GALNT12: variants seen among roughly 807,000 people sequenced by gnomAD.
GALNT12 encodes the protein UDP-GalNAc:polypeptide N-acetylgalactosaminyltransferase 12.
Under a neutral mutation model 55.5 loss-of-function variants are expected in GALNT12, and 45 were observed. That is an observed-to-expected ratio of 0.81 (90% CI 0.64 to 1.04). The LOEUF (loss-of-function observed/expected upper bound fraction) is 1.04. GALNT12 is among the 50% of genes least tolerant of loss of function. GALNT12 has a pLI of 0.00. For missense variants in GALNT12, 709 were observed against 754.8 expected (o/e 0.94, Z 0.71); for synonymous variants, 304 against 312.2 (o/e 0.97, Z 0.28).
At chr9:98,829,563 G>A (rs768412949) in intron 3 of GALNT12, among the ~76,000 whole-genome samples, 3 of 151,504 alleles carry the variant, frequency 2.0e-5, no homozygotes, top group East Asian at 1.9e-4. Flanking sequence ...CAACTGGTAC[G>A]TCTTATTCAT....
chr9:98,811,969 C>T (rs927744954), intron 1 of GALNT12, among the ~76,000 whole-genome samples: 1 of 152,190 alleles, frequency 6.6e-6, no homozygotes, highest in Non-Finnish European at 1.5e-5. Flanking sequence ...AGGCGTGAGC[C>T]ACCATGCCCA....
At chr9:98,830,337 T>A (rs1455790023) in intron 3 of GALNT12, among the ~76,000 whole-genome samples, 1 of 151,926 alleles carries the variant, frequency 6.6e-6, no homozygotes, top group Non-Finnish European at 1.5e-5. Context: ...TTGGTTGTCA[T>A]GTCAACCAGG....
chr9:98,829,194 T>G (rs1405632454), intron 3 of GALNT12, among the ~76,000 whole-genome samples: 1 of 150,542 alleles, frequency 6.6e-6, no homozygotes, highest in Non-Finnish European at 1.5e-5. Flanking sequence ...TCTATCTATC[T>G]ATCTATCTAT....
At chr9:98,825,064 G>A (rs1362238829) in intron 2 of GALNT12, among the ~76,000 whole-genome samples, 6 of 152,126 alleles carry the variant, frequency 3.9e-5, no homozygotes, top group African/African-American at 1.4e-4. Context: ...CTACCTTGTA[G>A]GATCATCGTG....
intron 1 of GALNT12, among the ~76,000 whole-genome samples, chr9:98,819,839 T>G (rs1027907658): frequency 6.6e-6 from 1 of 152,152 alleles, no homozygotes; most frequent in African/African-American, 2.4e-5. Flanking sequence ...ACAAGATCCC[T>G]GGACACAAAG....
At chr9:98,816,580 A>C (rs900857343) in intron 1 of GALNT12, among the ~76,000 whole-genome samples, 32 of 152,014 alleles carry the variant, frequency 2.1e-4, no homozygotes, top group Non-Finnish European at 1.8e-4. Flanking sequence ...TTTTAGCAGC[A>C]TCTTAAGAAA....
At chr9:98,811,881 C>G (rs1476344587) in intron 1 of GALNT12, among the ~76,000 whole-genome samples, 1 of 152,132 alleles carries the variant, frequency 6.6e-6, no homozygotes, top group African/African-American at 2.4e-5. Context: ...CGGGGTTTCA[C>G]TATGTTGGCC....
chr9:98,835,260 T>A lies in GALNT12; in HGVS notation c.929T>A (p.Met310Lys). ...TCATACTTTTTTAGGTCTCCAACAATGGCTGGTGGGCTGTTTGCTGTGAGT... is the reference window on the plus strand; with the variant it reads ...TCATACTTTTTTAGGTCTCCAACAAAGGCTGGTGGGCTGTTTGCTGTGAGT... The part of the protein sequence containing the change: ...SPVDVIRSPT[M>K]AGGLFAVSKK... The change falls in exon 5 of 10, where the codon ATG becomes AAG. Residue 310 changes from methionine (M) to lysine (K), a missense_variant. Around this residue, in one of 5 missense-constraint regions of GALNT12, gnomAD observed 315 missense variants for 288.6 expected, o/e 1.09. Coordinates refer to ENST00000375011, the MANE Select transcript of GALNT12 (RefSeq NM_024642.5). The A allele has an allele frequency of 1.2e-6, 2 of 1,612,512 alleles. No homozygotes were observed. The highest frequency in any genetic ancestry group is 1.7e-6 in the Non-Finnish European group (2 of 1,178,476).
intron 7 of GALNT12, among the ~76,000 whole-genome samples, chr9:98,843,624 C>G (rs2118491008): frequency 6.6e-6 from 1 of 152,316 alleles, no homozygotes; most frequent in East Asian, 1.9e-4. Flanking sequence ...CCAGGCTGGT[C>G]TAGAACTCCT....
chr9:98,846,415 G>A (rs768266573), intron 9 of GALNT12, among the ~76,000 whole-genome samples: 24 of 152,272 alleles, frequency 1.6e-4, no homozygotes, highest in Admixed American at 3.9e-4. Context: ...TGCAGGCACC[G>A]ACATGGAAAC....
intron 7 of GALNT12, among the ~76,000 whole-genome samples, chr9:98,841,424 G>A: frequency 6.6e-6 from 1 of 152,122 alleles, no homozygotes. Context: ...TGGGTTAATG[G>A]AGTATCCCTC....
intron 3 of GALNT12, among the ~76,000 whole-genome samples, chr9:98,831,225 TA>T (rs2118409054): frequency 6.6e-6 from 1 of 152,350 alleles, no homozygotes; most frequent in African/African-American, 2.4e-5. Flanking sequence ...CCAGCTATCT[TA>T]AAAACATTTT....
chr9:98,812,184 A>G (rs1417399892), intron 1 of GALNT12, among the ~76,000 whole-genome samples: 4 of 152,106 alleles, frequency 2.6e-5, no homozygotes, highest in South Asian at 2.1e-4. Context: ...TCCACAGAAC[A>G]TGTTCAATTT....
intron 1 of GALNT12, among the ~76,000 whole-genome samples, chr9:98,815,180 T>C (rs772916365): frequency 2.6e-5 from 4 of 152,226 alleles, no homozygotes; most frequent in Non-Finnish European, 4.4e-5. Context: ...CAAAAAGATA[T>C]ACAGACGATC....
At chr9:98,848,873 C>T in intron 9 of GALNT12, 79 bp from the exon 10 acceptor site, 1 of 1,543,412 alleles carries the variant, frequency 6.5e-7, no homozygotes, top group Non-Finnish European at 8.9e-7. Context: ...AAAAATCAGA[C>T]CCTGATCTCT....
intron 1 of GALNT12, among the ~76,000 whole-genome samples, chr9:98,813,797 G>A (rs1835549946): frequency 1.8e-5 from 2 of 113,682 alleles, no homozygotes; most frequent in African/African-American, 7.4e-5. Flanking sequence ...ACAGCGCCCA[G>A]CCAAGAGATT....
intron 1 of GALNT12, among the ~76,000 whole-genome samples, chr9:98,814,360 G>A (rs1330232622): frequency 6.6e-6 from 1 of 152,098 alleles, no homozygotes; most frequent in African/African-American, 2.4e-5. Context: ...CAGAGGATAT[G>A]ATTTGATTTT....
chr9:98,807,887 G>C lies in GALNT12; in HGVS notation c.189G>C (p.Pro63=). 1 of 1,112,248 alleles carries C rather than the reference G, an allele frequency of 9.0e-7. No homozygotes were observed. The allele number at this position is 1,112,248 out of a possible 1,614,324, so 68.9% of individuals were successfully genotyped here. Residue 63 remains proline, a synonymous_variant, in exon 1 of 10, where the codon CCG becomes CCC. Coordinates refer to ENST00000375011, the MANE Select transcript of GALNT12 (RefSeq NM_024642.5). ...CCCCGCGCCCCGGGCGGCGCGAGCC[G>C]GTCATGCCGCGGCCGCCGGTGCCGG... ...PRTPRPGRRE[P]VMPRPPVPAN... is the part of the protein sequence containing the mutation.
chr9:98,808,752 G>T (rs1835431681), intron 1 of GALNT12, among the ~76,000 whole-genome samples: 1 of 152,228 alleles, frequency 6.6e-6, no homozygotes, highest in East Asian at 1.9e-4. Flanking sequence ...GCTACTGGCT[G>T]GGCAGGTTGC....
Sources: allele counts gnomAD v4.1 joint callset (sites outside exome capture counted in the v4.1 genomes callset), GRCh38; gene constraint gnomAD v4.1.1; regional missense constraint gnomAD v4.1.1; transcripts MANE v1.5; gene names NCBI Gene and HGNC (gene_info 2026-07-23, HGNC 2026-07-21).